The following CORIN variants were observed in gnomAD, a reference collection of about 807,000 sequenced individuals.
CORIN encodes atrial natriuretic peptide-converting enzyme.
CORIN carries 117 observed loss-of-function variants against 125.3 expected under a neutral mutation model. That is an observed-to-expected ratio of 0.93 (90% CI 0.80 to 1.09). The LOEUF is 1.09. CORIN is among the 50% of genes least tolerant of loss of function. The probability of loss-of-function intolerance (pLI) is 0.00; values close to 1 mark genes in which losing one functional copy is unlikely to be tolerated. For missense variants in CORIN, 1,253 were observed against 1,306.7 expected (o/e 0.96, Z 0.63); for synonymous variants, 450 against 466.4 (o/e 0.96, Z 0.45).
At chr4:47,669,307 G>A (rs1281117900) in intron 10 of CORIN, among the ~76,000 whole-genome samples, 6 of 152,232 alleles carry the variant, frequency 3.9e-5, no homozygotes, top group South Asian at 2.1e-4. Context: ...TGTATTAAGC[G>A]ATGGTCATTT....
intron 10 of CORIN, among the ~76,000 whole-genome samples, chr4:47,673,980 A>G (rs989525025): frequency 2.6e-5 from 4 of 152,102 alleles, no homozygotes; most frequent in Non-Finnish European, 5.9e-5. Context: ...CAAAAAAAAC[A>G]GAACAGATTG....
intron 11 of CORIN, among the ~76,000 whole-genome samples, chr4:47,663,992 A>G (rs536203018): frequency 1.3e-5 from 2 of 152,240 alleles, no homozygotes; most frequent in African/African-American, 4.8e-5. Context: ...TTTGGTATTC[A>G]GCATATAATT....
chr4:47,664,376 T>C (rs983895442), intron 11 of CORIN, among the ~76,000 whole-genome samples: 1 of 152,186 alleles, frequency 6.6e-6, no homozygotes, highest in Admixed American at 6.5e-5. Flanking sequence ...ATTACTATCC[T>C]TATTCTACAT....
chr4:47,685,811 C>A (rs1008267301), intron 6 of CORIN, among the ~76,000 whole-genome samples: 1 of 151,014 alleles, frequency 6.6e-6, no homozygotes, highest in African/African-American at 2.4e-5. Flanking sequence ...AGAAAATAGG[C>A]GGAATTTCAA....
chr4:47,643,211 A>T lies in CORIN; in HGVS notation c.2003T>A (p.Val668Glu). ...DELECANHAC[V>E]SRDLWCDGEA... The stretch of plus-strand genomic sequence containing the variant: ...ACCATCACACCACAGGTCACGTGAC[A>T]CACACGCATGGTTTGCACATTCCAG... The change falls in exon 15 of 22, where the codon GTG becomes GAG. Residue 668 changes from valine (V) to glutamate (E), a missense_variant. Transcript: ENST00000273857. The T allele has an allele frequency of 6.2e-7, 1 of 1,613,956 alleles. No homozygotes were observed.
chr4:47,672,114 G>A (rs1333339609), intron 10 of CORIN, among the ~76,000 whole-genome samples: 1 of 152,188 alleles, frequency 6.6e-6, no homozygotes. Context: ...TCAGTGGGAA[G>A]ATGACAATAT....
chr4:47,768,828 C>T (rs1729885948), intron 3 of CORIN, among the ~76,000 whole-genome samples: 1 of 152,118 alleles, frequency 6.6e-6, no homozygotes, highest in Non-Finnish European at 1.5e-5. Context: ...TACTTCAACA[C>T]AATAAAGGCC....
intron 5 of CORIN, among the ~76,000 whole-genome samples, chr4:47,696,370 G>A (rs974699762): frequency 2.0e-5 from 3 of 152,046 alleles, no homozygotes; most frequent in Non-Finnish European, 4.4e-5. Flanking sequence ...ATTGATAACT[G>A]GAACATTCGT....
intron 14 of CORIN, among the ~76,000 whole-genome samples, 175 bp from the exon 15 acceptor site, chr4:47,643,431 T>C (rs1050713728): frequency 6.6e-6 from 1 of 152,234 alleles, no homozygotes; most frequent in Non-Finnish European, 1.5e-5. Flanking sequence ...TATCATTTAA[T>C]AGACATCAAT....
At chr4:47,660,874 C>T (rs1181424589) in intron 12 of CORIN, among the ~76,000 whole-genome samples, 1 of 152,198 alleles carries the variant, frequency 6.6e-6, no homozygotes, top group East Asian at 1.9e-4. Context: ...GATATCTGCA[C>T]TCCCATGCTT....
intron 2 of CORIN, among the ~76,000 whole-genome samples, chr4:47,805,064 A>G (rs1429219037): frequency 2.0e-5 from 3 of 149,888 alleles, no homozygotes; most frequent in Non-Finnish European, 4.4e-5. Context: ...TGAACCCAGG[A>G]GGCAGAGCTT....
At chr4:47,666,745 C>A (rs973978259) in intron 10 of CORIN, among the ~76,000 whole-genome samples, 3 of 152,160 alleles carry the variant, frequency 2.0e-5, no homozygotes, top group Non-Finnish European at 2.9e-5. Flanking sequence ...TGTCTGCAAA[C>A]CAGGAAGCAG....
chr4:47,683,409 G>A (rs187357541), intron 7 of CORIN: 298 of 199,950 alleles, frequency 1.5e-3, no homozygotes, highest in East Asian at 9.2e-3. Flanking sequence ...CAAATCTAAC[G>A]TAAGCCACTG....
chr4:47,667,939 A>AT (rs1724556723), intron 10 of CORIN, among the ~76,000 whole-genome samples: 1 of 152,146 alleles, frequency 6.6e-6, no homozygotes, highest in South Asian at 2.1e-4. Context: ...TTGGGAGGTG[A>AT]TTGAGTTATA....
chr4:47,763,324 G>A (rs878911382), intron 4 of CORIN, 55 bp downstream of exon 4: 1 of 1,419,774 alleles, frequency 7.0e-7, no homozygotes, highest in Non-Finnish European at 9.8e-7. Context: ...TTTTCTCCTA[G>A]GACACTTCTG....
intron 2 of CORIN, among the ~76,000 whole-genome samples, chr4:47,803,642 T>C (rs1384918842): frequency 6.6e-6 from 1 of 152,234 alleles, no homozygotes; most frequent in East Asian, 1.9e-4. Context: ...CTTAAAAAAC[T>C]GGATATCCAC....
intron 1 of CORIN, among the ~76,000 whole-genome samples, chr4:47,821,905 C>G (rs1732534434): frequency 6.6e-6 from 1 of 152,108 alleles, no homozygotes; most frequent in Non-Finnish European, 1.5e-5. Flanking sequence ...TTTCATGTAT[C>G]AACTTTTATC....
chr4:47,622,907 C>T (rs1722379199), intron 19 of CORIN, among the ~76,000 whole-genome samples: 1 of 151,986 alleles, frequency 6.6e-6, no homozygotes, highest in South Asian at 2.1e-4. Flanking sequence ...TTTGGATGGG[C>T]TCAAGTGATC....
intron 13 of CORIN, 135 bp downstream of exon 13, chr4:47,653,418 T>C: frequency 1.4e-6 from 1 of 710,618 alleles, no homozygotes; most frequent in South Asian, 1.9e-5. Flanking sequence ...TACTGTTCAA[T>C]AATTTAAGAA....
Sources: gnomAD v4.1 joint callset for allele counts (sites outside exome capture counted in the v4.1 genomes callset) on GRCh38, gnomAD v4.1.1 for gene constraint, MANE v1.5 for transcripts, NCBI Gene and HGNC (gene_info 2026-07-23, HGNC 2026-07-21) for gene names.